Variants in ACBD6 observed in about 807,000 individuals in gnomAD.
ACBD6 encodes acyl-CoA-binding domain-containing protein 6.
A neutral mutation model predicts 37.2 loss-of-function variants in ACBD6; 28 were observed. The observed-to-expected ratio is 0.75, with a 90% CI of 0.56 to 1.03. The LOEUF (loss-of-function observed/expected upper bound fraction) is 1.03. Ranked by LOEUF, ACBD6 falls within the 50% of genes least tolerant of loss-of-function variation. ACBD6 has a pLI of 0.00. For missense variants in ACBD6, 340 were observed against 337.4 expected, an observed-to-expected ratio of 1.01 and a Z score of -0.06; for synonymous variants, 113 against 126.8, an observed-to-expected ratio of 0.89 and a Z score of 0.73.
At chr1:180,478,856 A>G (rs926023046) in intron 3 of ACBD6, among the ~76,000 whole-genome samples, 4 of 152,144 alleles carry the variant, frequency 2.6e-5, no homozygotes, top group African/African-American at 9.7e-5. Context: ...GGCTGGGCAC[A>G]GTGGTTCACA....
At chr1:180,321,013 A>G (rs1255456931) in intron 6 of ACBD6, among the ~76,000 whole-genome samples, 1 of 152,100 alleles carries the variant, frequency 6.6e-6, no homozygotes, top group Admixed American at 6.5e-5. Context: ...GCATACGGGT[A>G]TCTAGTTTTC....
chr1:180,311,693 G>A (rs954902762), intron 7 of ACBD6, among the ~76,000 whole-genome samples: 7 of 152,206 alleles, frequency 4.6e-5, no homozygotes, highest in Admixed American at 2.0e-4. Flanking sequence ...AGGGAGCTCT[G>A]TGTTCTTGGC....
chr1:180,469,109 G>A (rs1166374809), intron 3 of ACBD6, among the ~76,000 whole-genome samples: 2 of 152,114 alleles, frequency 1.3e-5, no homozygotes, highest in Non-Finnish European at 2.9e-5. Context: ...GATACACATT[G>A]AGAAATTCAG....
intron 4 of ACBD6, among the ~76,000 whole-genome samples, chr1:180,426,880 T>C (rs999686841): frequency 3.3e-5 from 5 of 152,190 alleles, no homozygotes; most frequent in Non-Finnish European, 7.3e-5. Context: ...TAGTAAGTGG[T>C]GGAACTAGCA....
intron 3 of ACBD6, among the ~76,000 whole-genome samples, chr1:180,474,848 G>A (rs571746704): frequency 2.6e-5 from 4 of 152,242 alleles, no homozygotes; most frequent in African/African-American, 9.6e-5. Context: ...CAGACTTTCA[G>A]GATCTACATT....
chr1:180,499,093 G>C (rs1008035053), intron 1 of ACBD6, among the ~76,000 whole-genome samples: 1 of 152,166 alleles, frequency 6.6e-6, no homozygotes, highest in African/African-American at 2.4e-5. Flanking sequence ...GCTAAGTTTA[G>C]AGTTCTCCCT....
chr1:180,411,906 G>A (rs960934984), intron 5 of ACBD6, among the ~76,000 whole-genome samples: 11 of 151,984 alleles, frequency 7.2e-5, no homozygotes, highest in East Asian at 1.9e-4. Context: ...TCCTGGCCTC[G>A]TGATCTGCCC....
chr1:180,437,750 A>AG (rs1649103579), intron 3 of ACBD6, among the ~76,000 whole-genome samples: 1 of 152,128 alleles, frequency 6.6e-6, no homozygotes, highest in Admixed American at 6.5e-5. Flanking sequence ...AGTATTATGA[A>AG]GAAAAAAAAC....
At chr1:180,491,363 C>A (rs1651496333) in intron 3 of ACBD6, among the ~76,000 whole-genome samples, 1 of 152,100 alleles carries the variant, frequency 6.6e-6, no homozygotes, top group Non-Finnish European at 1.5e-5. Context: ...TAAATAGTAA[C>A]CTCACCTTTA....
chr1:180,431,390 A>G (rs1272873849), intron 3 of ACBD6, among the ~76,000 whole-genome samples: 1 of 116,992 alleles, frequency 8.5e-6, no homozygotes, highest in Admixed American at 9.5e-5. Context: ...GACAAAGTAT[A>G]TAAAGTGTAT....
chr1:180,488,633 G>A (rs1166949700), intron 3 of ACBD6, among the ~76,000 whole-genome samples: 1 of 151,612 alleles, frequency 6.6e-6, no homozygotes, highest in African/African-American at 2.4e-5. Flanking sequence ...GGAGTGCAGT[G>A]GTGCAATCAT....
At position 180,502,301 on chromosome 1, in the gene ACBD6, C is replaced by A; in HGVS notation, c.-35G>T. 2 of 1,608,706 alleles carry A rather than the reference C, an allele frequency of 1.2e-6. No individual in the cohort carries two copies. The highest frequency in any genetic ancestry group is 2.7e-5 in the African/African-American group (2 of 74,958). On this transcript the variant is annotated 5_prime_UTR_variant, in exon 1 of 8. Coordinates refer to ENST00000367595, the MANE Select transcript of ACBD6 (RefSeq NM_032360.4). ...CTCGCTCCGTCCCTCTGTGTCCGGT[C>A]TGTCCTCCTTGGATTGGGTGTAAGG... is the stretch of plus-strand genomic sequence containing the variant.
chr1:180,486,110 T>C (rs1367754333), intron 3 of ACBD6, among the ~76,000 whole-genome samples: 1 of 152,170 alleles, frequency 6.6e-6, no homozygotes, highest in Non-Finnish European at 1.5e-5. Flanking sequence ...ATTCTTTACC[T>C]GGGCCATTTC....
chr1:180,495,226 C>CATGT (rs368671923), intron 2 of ACBD6, among the ~76,000 whole-genome samples: 376 of 152,322 alleles, frequency 2.5e-3, no homozygotes, highest in African/African-American at 8.8e-3. Context: ...AAATGTAAGG[C>CATGT]ATGTATGTCT....
intron 3 of ACBD6, among the ~76,000 whole-genome samples, chr1:180,438,737 T>A (rs1189012601): frequency 6.6e-6 from 1 of 152,242 alleles, no homozygotes; most frequent in East Asian, 1.9e-4. Context: ...TTGTTACAGC[T>A]GATGAGCCTA....
intron 3 of ACBD6, chr1:180,438,170 C>G (rs1252269365): frequency 3.3e-5 from 5 of 152,530 alleles, no homozygotes; most frequent in African/African-American, 1.2e-4. Context: ...AATCTAATGC[C>G]TGATGATCTG....
Position 180,447,601 on chromosome 1 carries a change from T to G in ACBD6, c.385-17339A>C, listed in dbSNP as rs1193398451. Among the ~76,000 whole-genome samples, 4 of 152,192 alleles carry G rather than the reference T, an allele frequency of 2.6e-5. No homozygotes were observed. In the South Asian group the frequency reaches 8.3e-4, roughly 31 times the overall value. On this transcript the variant is annotated intron_variant, in intron 3 of 7. Coordinates refer to ENST00000367595, the MANE Select transcript of ACBD6 (RefSeq NM_032360.4). The stretch of plus-strand genomic sequence containing the variant: ...TAACACTGTTTTAAAATGGCTATCA[T>G]GGAAAACTACCTTCAGGTTATTATG...
At position 180,487,019 on chromosome 1, in the gene ACBD6, G is replaced by C. The variant is rs566081937; in HGVS notation, c.384+5250C>G. ...CTGCAAAAGTATCATGGGCAAGAAA[G>C]GGAAAAAAAAATGGCTGAGAAACTG... On this transcript the variant is annotated intron_variant, in intron 3 of 7. Transcript: ENST00000367595. Among the ~76,000 whole-genome samples the C allele has an allele frequency of 5.4e-4, 82 of 150,752 alleles. No homozygotes were observed. In the South Asian group the frequency reaches 5.8e-3, roughly 11 times the overall value.
At chr1:180,479,809 G>A (rs1425924829) in intron 3 of ACBD6, among the ~76,000 whole-genome samples, 3 of 151,972 alleles carry the variant, frequency 2.0e-5, no homozygotes, top group Non-Finnish European at 4.4e-5. Flanking sequence ...GCAACATGGC[G>A]AAACCCTGTC....
Sources: gnomAD v4.1 joint callset for allele counts (sites outside exome capture counted in the v4.1 genomes callset) on GRCh38, gnomAD v4.1.1 for gene constraint, MANE v1.5 for transcripts, NCBI Gene and HGNC (gene_info 2026-07-23, HGNC 2026-07-21) for gene names.